The following TUSC3 variants were observed in gnomAD, a reference collection of about 807,000 sequenced individuals.
TUSC3 encodes tumor suppressor candidate 3, also known as dolichyl-diphosphooligosaccharide--protein glycosyltransferase subunit TUSC3.
TUSC3 carries 45 observed loss-of-function variants against 44.8 expected under a neutral mutation model. That is an observed-to-expected ratio of 1.00 (90% CI 0.79 to 1.29). TUSC3 has a LOEUF of 1.29. Among genes scored for constraint, TUSC3 ranks in the 50% most tolerant of loss-of-function variants. TUSC3 has a pLI of 0.00. For missense variants in TUSC3, 519 were observed against 437.9 expected (o/e 1.19, Z -1.65); for synonymous variants, 212 against 152.9 (o/e 1.39, Z -2.85).
intron 1 of TUSC3, among the ~76,000 whole-genome samples, chr8:15,590,366 C>G (rs985542789): frequency 6.6e-6 from 1 of 152,102 alleles, no homozygotes; most frequent in Admixed American, 6.5e-5. Flanking sequence ...TTATACAAAA[C>G]CCAAGCTTTA....
chr8:15,782,654 G>A, the TUSC3 span, among the ~76,000 whole-genome samples: 9 of 152,098 alleles, frequency 5.9e-5, no homozygotes, highest in Admixed American at 2.0e-4. Flanking sequence ...AATCTCAATA[G>A]ATGTACTAAA....
chr8:15,587,480 A>G (rs1228716164), intron 1 of TUSC3, among the ~76,000 whole-genome samples: 1 of 152,118 alleles, frequency 6.6e-6, no homozygotes, highest in African/African-American at 2.4e-5. Context: ...GTACGGAGTG[A>G]TATTTCCATG....
At chr8:15,735,261 G>A (rs1004355289) in intron 7 of TUSC3, among the ~76,000 whole-genome samples, 4 of 106,728 alleles carry the variant, frequency 3.7e-5, no homozygotes, top group Non-Finnish European at 8.0e-5. Context: ...AATGGAGAGT[G>A]ACTCAGCTGC....
At chr8:15,492,506 G>A (rs1800822154) in intron 2 of TUSC3, among the ~76,000 whole-genome samples, 1 of 152,186 alleles carries the variant, frequency 6.6e-6, no homozygotes, top group African/African-American at 2.4e-5. Flanking sequence ...CTGACTTTAA[G>A]ACTGCCCCAA....
At chr8:15,573,196 C>G (rs866646799) in intron 1 of TUSC3, among the ~76,000 whole-genome samples, 1 of 104,254 alleles carries the variant, frequency 9.6e-6, no homozygotes, top group Non-Finnish European at 1.9e-5. Context: ...CTCTCTCTCT[C>G]TCTCTCTATA....
chr8:15,834,957 A>C, the TUSC3 span, among the ~76,000 whole-genome samples: 1 of 152,198 alleles, frequency 6.6e-6, no homozygotes, highest in Admixed American at 6.5e-5. Context: ...TTAAGTATGC[A>C]CAGGTTAGGA....
At chr8:15,802,819 C>A in the TUSC3 span, among the ~76,000 whole-genome samples, 1 of 151,748 alleles carries the variant, frequency 6.6e-6, no homozygotes, top group Non-Finnish European at 1.5e-5. Flanking sequence ...TAATCAAGTA[C>A]CCAGAACGTG....
At position 15,498,198 on chromosome 8, in the gene TUSC3, T is replaced by C. The variant is rs550325131; in HGVS notation, n.189+14715T>C. Reference sequence around the variant, plus strand: ...AGTGGAGAAAAACAGATGAGTTTATTTAGGAATGTAGGTTTTAACCTTAAG... The same window carrying C: ...AGTGGAGAAAAACAGATGAGTTTATCTAGGAATGTAGGTTTTAACCTTAAG... On this transcript the variant is annotated intron_variant and non_coding_transcript_variant, in intron 2 of 5. Coordinates refer to the TUSC3 transcript ENST00000503191. Among the ~76,000 whole-genome samples, 250 of 152,244 alleles carry C rather than the reference T, an allele frequency of 1.6e-3. 1 individual carries two copies. The highest frequency in any genetic ancestry group is 0.014 in the Middle Eastern group (4 of 294).
chr8:15,634,436 G>A (rs1465696284), intron 2 of TUSC3, among the ~76,000 whole-genome samples: 1 of 152,214 alleles, frequency 6.6e-6, no homozygotes, highest in Non-Finnish European at 1.5e-5. Flanking sequence ...GAAAGACTGA[G>A]CTATGGCCAC....
chr8:15,792,736 T>TC, the TUSC3 span, among the ~76,000 whole-genome samples: 1 of 151,942 alleles, frequency 6.6e-6, no homozygotes, highest in Admixed American at 6.6e-5. Flanking sequence ...GTGCCTCAGC[T>TC]CCTCGAGTAG....
chr8:15,535,830 G>A (rs929238927), upstream of TUSC3, among the ~76,000 whole-genome samples: 1 of 152,154 alleles, frequency 6.6e-6, no homozygotes, highest in African/African-American at 2.4e-5. Context: ...GACGTGTTGG[G>A]AGATCAGAGC....
intron 1 of TUSC3, among the ~76,000 whole-genome samples, chr8:15,566,601 A>AT (rs201601387): frequency 0.015 from 2,165 of 142,394 alleles, 40 homozygotes; most frequent in East Asian, 0.087. Flanking sequence ...CAGAAGACAC[A>AT]TTTTTTTGTT....
chr8:15,434,924 C>G (rs7818884), intron 1 of TUSC3, among the ~76,000 whole-genome samples: 21,592 of 150,626 alleles, frequency 0.14, 1,663 homozygotes, highest in Middle Eastern at 0.22. Flanking sequence ...TTTTCTTAAT[C>G]CAGTCTATCA....
intron 1 of TUSC3, among the ~76,000 whole-genome samples, chr8:15,460,431 A>G (rs76725122): frequency 0.016 from 2,426 of 152,168 alleles, 73 homozygotes; most frequent in African/African-American, 0.055. Flanking sequence ...GATTCTGGAC[A>G]TGGTCCTTTG....
the TUSC3 span, among the ~76,000 whole-genome samples, chr8:15,785,928 G>A: frequency 6.6e-6 from 1 of 152,072 alleles, no homozygotes; most frequent in East Asian, 1.9e-4. Context: ...AAGAAAAAAA[G>A]AATTTCCAAC....
intron 6 of TUSC3, among the ~76,000 whole-genome samples, chr8:15,698,732 G>A (rs902860419): frequency 6.6e-6 from 1 of 151,994 alleles, no homozygotes; most frequent in Admixed American, 6.6e-5. Context: ...ATTTGACTTT[G>A]ATACATCTTC....
intron 1 of TUSC3, among the ~76,000 whole-genome samples, chr8:15,473,643 C>T (rs547532916): frequency 2.0e-5 from 3 of 152,246 alleles, no homozygotes; most frequent in South Asian, 2.1e-4. Context: ...TCGGCAGGAC[C>T]GTGCTACCCA....
chr8:15,821,419 T>G, the TUSC3 span, among the ~76,000 whole-genome samples: 1 of 149,706 alleles, frequency 6.7e-6, no homozygotes, highest in African/African-American at 2.5e-5. Flanking sequence ...ATGTGTAAAT[T>G]TATGTCTTTC....
chr8:15,593,537 C>T (rs556925306), intron 1 of TUSC3, among the ~76,000 whole-genome samples: 12 of 152,092 alleles, frequency 7.9e-5, no homozygotes, highest in Non-Finnish European at 1.8e-4. Flanking sequence ...ATTCTGAGTT[C>T]ATTGTTATTT....
Sources: allele counts gnomAD v4.1 joint callset (sites outside exome capture counted in the v4.1 genomes callset), GRCh38; gene constraint gnomAD v4.1.1; transcripts MANE v1.5; gene names NCBI Gene and HGNC (gene_info 2026-07-23, HGNC 2026-07-21).